Variants in DOCK4 observed in about 807,000 individuals in gnomAD.
DOCK4 encodes the protein dedicator of cytokinesis 4.
A neutral mutation model predicts 268.1 loss-of-function variants in DOCK4; 97 were observed. The observed-to-expected ratio is 0.36, with a 90% CI of 0.31 to 0.43. The LOEUF (loss-of-function observed/expected upper bound fraction) is 0.43. DOCK4 is among the 20% of genes least tolerant of loss of function. DOCK4 has a pLI of 1.00. For synonymous variants in DOCK4, 954 were observed against 887.2 expected, an observed-to-expected ratio of 1.08 and a Z score of -1.34; for missense variants, 2,145 against 2,455.7, an observed-to-expected ratio of 0.87 and a Z score of 2.67.
chr7:112,004,143 G>T lies in DOCK4; in HGVS notation c.38-12C>A. 1.3e-6 allele frequency: 2 copies of T among 1,562,936 alleles called. No homozygotes were observed. The highest frequency in any genetic ancestry group is 2.4e-5 in the South Asian group (2 of 84,924). ...GAAACTGGCAATAACTGTAAAAAATGATAAAGAATATATGAAGACAATCAT... is the reference window on the plus strand; with the variant it reads ...GAAACTGGCAATAACTGTAAAAAATTATAAAGAATATATGAAGACAATCAT... On this transcript the variant is annotated splice_polypyrimidine_tract_variant and intron_variant, in intron 1 of 52. Transcript: ENST00000428084.
intron 8 of DOCK4, among the ~76,000 whole-genome samples, chr7:111,960,663 T>C (rs1425626107): frequency 6.6e-6 from 1 of 151,606 alleles, no homozygotes; most frequent in Non-Finnish European, 1.5e-5. Flanking sequence ...TCCTCCTAAC[T>C]GAAATTTTGT....
chr7:111,742,436 G>C (rs1444424658), intron 44 of DOCK4, among the ~76,000 whole-genome samples: 1 of 152,082 alleles, frequency 6.6e-6, no homozygotes, highest in Non-Finnish European at 1.5e-5. Context: ...TAACAGTTAT[G>C]TGTCCTTTTG....
At chr7:111,741,728 G>C (rs1216551788) in intron 45 of DOCK4, 67 bp from the exon 46 acceptor site, 2 of 1,559,304 alleles carry the variant, frequency 1.3e-6, no homozygotes, top group Non-Finnish European at 1.7e-6. Context: ...TATGAGACAG[G>C]TTAGCATACT....
At position 111,773,368 on chromosome 7, in the gene DOCK4, G is replaced by C. The variant is rs150622336; in HGVS notation, c.3680-3691C>G. Among the ~76,000 whole-genome samples, 542 of 152,270 alleles carry C rather than the reference G, an allele frequency of 3.6e-3. 5 individuals are homozygous for C. The highest frequency in any genetic ancestry group is 0.012 in the African/African-American group (517 of 41,544). ...AGAACTGATTTCTTATGACTTTGGG[G>C]AACATAAAGACTGCAAGTTGAGTAA... On this transcript the variant is annotated intron_variant, in intron 36 of 52. Coordinates refer to ENST00000428084, the MANE Select transcript of DOCK4 (RefSeq NM_001363540.2).
intron 1 of DOCK4, among the ~76,000 whole-genome samples, chr7:112,138,688 A>G (rs1814598343): frequency 6.6e-6 from 1 of 152,152 alleles, no homozygotes; most frequent in South Asian, 2.1e-4. Context: ...GTGTCTCTCA[A>G]AAATCCATAT....
chr7:111,767,184 C>A, intron 37 of DOCK4, 66 bp from the exon 38 acceptor site: 7 of 1,264,746 alleles, frequency 5.5e-6, no homozygotes, highest in Non-Finnish European at 8.0e-6. Flanking sequence ...ACCCAAAAGT[C>A]AGAACATGAG....
chr7:111,976,878 A>G (rs1798246005), intron 8 of DOCK4: 2 of 315,112 alleles, frequency 6.3e-6, no homozygotes, highest in Non-Finnish European at 1.2e-5. Flanking sequence ...TTTGATATCC[A>G]TGCCATACTT....
At chr7:111,799,435 T>C (rs1159048671) in intron 30 of DOCK4, among the ~76,000 whole-genome samples, 2 of 152,130 alleles carry the variant, frequency 1.3e-5, no homozygotes, top group African/African-American at 2.4e-5. Context: ...CATTTAGTAT[T>C]AGCAAAAACT....
intron 1 of DOCK4, among the ~76,000 whole-genome samples, chr7:112,119,463 C>T (rs1276484919): frequency 1.3e-5 from 2 of 152,220 alleles, no homozygotes; most frequent in Non-Finnish European, 2.9e-5. Context: ...TTCAGATCTA[C>T]AGTGCTGTTG....
In DOCK4 at chr7:112,206,179, G is replaced by C; in HGVS notation, c.-41C>G. On this transcript the variant is annotated 5_prime_UTR_variant, in exon 1 of 53. Coordinates refer to ENST00000428084, the MANE Select transcript of DOCK4 (RefSeq NM_001363540.2). Reference sequence around the variant, plus strand: ...GGGGTCTTCAGGCTTTGTAATCCCCGCGCCCCTTCTCCGGCTCACAACAAT... The same window carrying C: ...GGGGTCTTCAGGCTTTGTAATCCCCCCGCCCCTTCTCCGGCTCACAACAAT... 6 of 1,554,032 alleles carry C rather than the reference G, an allele frequency of 3.9e-6. No individual in the cohort carries two copies. The highest frequency in any genetic ancestry group is 4.4e-6 in the Non-Finnish European group (5 of 1,146,970).
At chr7:111,757,499 C>T (rs1373633944) in intron 41 of DOCK4, among the ~76,000 whole-genome samples, 1 of 152,126 alleles carries the variant, frequency 6.6e-6, no homozygotes. Flanking sequence ...TTGGAAGGCA[C>T]AAAGAATAAG....
At chr7:112,029,571 C>A (rs1039422160) in intron 1 of DOCK4, among the ~76,000 whole-genome samples, 1 of 152,176 alleles carries the variant, frequency 6.6e-6, no homozygotes, top group Admixed American at 6.5e-5. Flanking sequence ...CTGTTAGTAA[C>A]CCTTGAACCT....
intron 23 of DOCK4, among the ~76,000 whole-genome samples, chr7:111,854,597 GTC>G (rs1310613903): frequency 6.6e-6 from 1 of 152,172 alleles, no homozygotes; most frequent in Non-Finnish European, 1.5e-5. Flanking sequence ...GGCCAGGCTA[GTC>G]TCAAACTCCT....
intron 7 of DOCK4, among the ~76,000 whole-genome samples, chr7:111,980,615 TG>T (rs534976289): frequency 7.9e-5 from 12 of 152,336 alleles, no homozygotes; most frequent in Admixed American, 5.9e-4. Flanking sequence ...TTCCTTGTTG[TG>T]GGGGCTGTCC....
intron 1 of DOCK4, among the ~76,000 whole-genome samples, chr7:112,153,159 T>A (rs7805703): frequency 6.6e-6 from 1 of 151,984 alleles, no homozygotes; most frequent in African/African-American, 2.4e-5. Context: ...TTTATGCCTT[T>A]GTTACTACCA....
intron 16 of DOCK4, among the ~76,000 whole-genome samples, chr7:111,879,254 A>G (rs10273009): frequency 0.14 from 21,402 of 151,866 alleles, 1,757 homozygotes; most frequent in Non-Finnish European, 0.18. Flanking sequence ...GAAGGGAAGG[A>G]CTCAATCCTG....
chr7:111,760,119 A>T, intron 40 of DOCK4, 62 bp downstream of exon 40: 2 of 1,587,254 alleles, frequency 1.3e-6, no homozygotes, highest in South Asian at 2.2e-5. Context: ...CTTGCATGGA[A>T]ATGCTCTGCA....
chr7:111,926,705 C>T (rs1793725661), intron 12 of DOCK4, among the ~76,000 whole-genome samples: 2 of 150,718 alleles, frequency 1.3e-5, no homozygotes, highest in Non-Finnish European at 3.0e-5. Context: ...TGGTGGTGTG[C>T]CACCTGTAGT....
chr7:112,005,736 AAC>A (rs759501359), intron 1 of DOCK4, among the ~76,000 whole-genome samples: 1 of 152,170 alleles, frequency 6.6e-6, no homozygotes, highest in South Asian at 2.1e-4. Flanking sequence ...TGGACTTCCC[AAC>A]ACAGTTTTGT....
Sources: allele counts gnomAD v4.1 joint callset (sites outside exome capture counted in the v4.1 genomes callset), GRCh38; gene constraint gnomAD v4.1.1; transcripts MANE v1.5; gene names NCBI Gene and HGNC (gene_info 2026-07-23, HGNC 2026-07-21).